CABLES1: variants seen among roughly 807,000 people sequenced by gnomAD.
The protein encoded by CABLES1 is Cdk5 and Abl enzyme substrate 1.
CABLES1 carries 36 observed loss-of-function variants against 57.8 expected under a neutral mutation model. That is an observed-to-expected ratio of 0.62 (90% confidence interval 0.48 to 0.82). CABLES1 has a LOEUF of 0.82. Among genes scored for constraint, CABLES1 ranks in the 40% least tolerant of loss-of-function variants. The pLI is 0.00. For missense variants in CABLES1, 767 were observed against 836.6 expected, an observed-to-expected ratio of 0.92 and a Z score of 1.03; for synonymous variants, 374 against 363.0, an observed-to-expected ratio of 1.03 and a Z score of -0.35.
At chr18:23,227,746 A>G (rs1011091701) in intron 4 of CABLES1, among the ~76,000 whole-genome samples, 3 of 152,158 alleles carry the variant, frequency 2.0e-5, no homozygotes, top group African/African-American at 7.2e-5. Flanking sequence ...TCTTAATTAA[A>G]ATTTAGCTCA....
At chr18:23,202,935 C>T (rs1260875775) in intron 3 of CABLES1, among the ~76,000 whole-genome samples, 2 of 149,618 alleles carry the variant, frequency 1.3e-5, no homozygotes, top group Non-Finnish European at 3.0e-5. Flanking sequence ...TGCAGTGAGC[C>T]GAGATCGCAC....
intron 3 of CABLES1, among the ~76,000 whole-genome samples, chr18:23,202,936 G>C (rs929279554): frequency 1.3e-5 from 2 of 149,378 alleles, no homozygotes; most frequent in Non-Finnish European, 3.0e-5. Context: ...GCAGTGAGCC[G>C]AGATCGCACC....
intron 1 of CABLES1, among the ~76,000 whole-genome samples, chr18:23,144,006 G>A: frequency 6.6e-6 from 1 of 152,220 alleles, no homozygotes; most frequent in East Asian, 1.9e-4. Context: ...TGTCTTTACA[G>A]AGGGCACCCA....
At chr18:23,255,631 C>T (rs764900467) in intron 9 of CABLES1, among the ~76,000 whole-genome samples, 1 of 150,100 alleles carries the variant, frequency 6.7e-6, no homozygotes, top group Non-Finnish European at 1.5e-5. Flanking sequence ...ACAATCATAG[C>T]TCACTGCAGC....
intron 1 of CABLES1, among the ~76,000 whole-genome samples, chr18:23,139,331 A>G (rs536834650): frequency 1.3e-3 from 190 of 144,686 alleles, no homozygotes; most frequent in Admixed American, 2.1e-3. Context: ...TGAACCCAGG[A>G]GGCGGAGGTT....
At chr18:23,232,593 G>C (rs2145079187) in intron 4 of CABLES1, among the ~76,000 whole-genome samples, 1 of 152,356 alleles carries the variant, frequency 6.6e-6, no homozygotes, top group Admixed American at 6.5e-5. Context: ...AGCTGCAGCA[G>C]TAGGGCAGAC....
intron 3 of CABLES1, among the ~76,000 whole-genome samples, chr18:23,213,333 A>T (rs187960740): frequency 6.6e-6 from 1 of 152,254 alleles, no homozygotes; most frequent in Non-Finnish European, 1.5e-5. Context: ...AGATGCCAGG[A>T]TAAGTGCTTT....
chr18:23,148,633 T>C (rs986228206), intron 1 of CABLES1, among the ~76,000 whole-genome samples: 2 of 152,168 alleles, frequency 1.3e-5, no homozygotes, highest in African/African-American at 4.8e-5. Context: ...GCAGCTGGAC[T>C]CTGGGGCAGC....
rs140520733 is a variant in CABLES1 at position 23,192,684 on chromosome 18, C to T, written c.918-1764C>T. Among the ~76,000 whole-genome samples the T allele has an allele frequency of 1.5e-4, 23 of 152,334 alleles. 1 individual carries two copies. In the East Asian group the frequency reaches 4.4e-3, roughly 29 times the overall value. On this transcript the variant is annotated intron_variant, in intron 2 of 9. Transcript: ENST00000256925. Reference sequence around the variant, plus strand: ...CTGAACCCTTGGCCCTATCTAGAAACCACTTTATGCTTTCAGGGATTCTCC... The same window carrying T: ...CTGAACCCTTGGCCCTATCTAGAAATCACTTTATGCTTTCAGGGATTCTCC...
chr18:23,153,222 A>C (rs754463687), intron 1 of CABLES1, among the ~76,000 whole-genome samples: 33 of 151,820 alleles, frequency 2.2e-4, no homozygotes, highest in Non-Finnish European at 3.7e-4. Context: ...CAGCCACCCA[A>C]ATAGCTGGGC....
intron 7 of CABLES1, among the ~76,000 whole-genome samples, chr18:23,250,575 C>T (rs867619331): frequency 1.3e-5 from 2 of 152,322 alleles, no homozygotes; most frequent in Non-Finnish European, 2.9e-5. Flanking sequence ...ATAAACCTGT[C>T]TTGGAGGGCT....
At chr18:23,179,011 C>T (rs1255261917) in intron 1 of CABLES1, among the ~76,000 whole-genome samples, 3 of 152,170 alleles carry the variant, frequency 2.0e-5, no homozygotes, top group South Asian at 2.1e-4. Flanking sequence ...CTTGGCCGGG[C>T]GTGGTGGCTC....
chr18:23,153,985 C>T (rs1177636417), intron 1 of CABLES1, among the ~76,000 whole-genome samples: 2 of 151,836 alleles, frequency 1.3e-5, no homozygotes, highest in East Asian at 3.9e-4. Flanking sequence ...GACCCGAAGT[C>T]ACACCACCCA....
intron 1 of CABLES1, among the ~76,000 whole-genome samples, chr18:23,170,459 T>C (rs2047074423): frequency 6.6e-6 from 1 of 152,188 alleles, no homozygotes; most frequent in Non-Finnish European, 1.5e-5. Flanking sequence ...TTGACGTGTT[T>C]CTGGGTTCCA....
intron 1 of CABLES1, among the ~76,000 whole-genome samples, chr18:23,156,890 A>G (rs550595588): frequency 6.6e-6 from 1 of 152,326 alleles, no homozygotes; most frequent in African/African-American, 2.4e-5. Flanking sequence ...AATCACCAGC[A>G]AAAAGCACAA....
chr18:23,197,543 G>C (rs549758781), intron 3 of CABLES1: 1 of 152,536 alleles, frequency 6.6e-6, no homozygotes, highest in African/African-American at 2.4e-5. Flanking sequence ...CAAATCGTTG[G>C]GCCAGGTGGA....
At chr18:23,232,885 A>G (rs1009881784) in intron 4 of CABLES1, among the ~76,000 whole-genome samples, 8 of 151,304 alleles carry the variant, frequency 5.3e-5, no homozygotes, top group East Asian at 1.9e-4. Flanking sequence ...TTTTTTTTCT[A>G]TATTGGAGGA....
chr18:23,211,613 C>T (rs2047405273), intron 3 of CABLES1, among the ~76,000 whole-genome samples: 1 of 152,200 alleles, frequency 6.6e-6, no homozygotes, highest in African/African-American at 2.4e-5. Context: ...TCCGTGGGTA[C>T]CCAGTCACGC....
intron 3 of CABLES1, among the ~76,000 whole-genome samples, chr18:23,209,656 G>A (rs945026972): frequency 6.6e-6 from 1 of 152,112 alleles, no homozygotes; most frequent in Non-Finnish European, 1.5e-5. Context: ...ATGTCCTTAA[G>A]AGAATATTTC....
Sources: gnomAD v4.1 joint callset for allele counts (sites outside exome capture counted in the v4.1 genomes callset) on GRCh38, gnomAD v4.1.1 for gene constraint, MANE v1.5 for transcripts, NCBI Gene and HGNC (gene_info 2026-07-23, HGNC 2026-07-21) for gene names.